Variants in CHD2 observed in about 807,000 individuals in gnomAD.
CHD2 encodes the protein chromodomain helicase DNA binding protein 2, also known as ATP-dependent chromatin remodeler CHD2.
In CHD2, 28 loss-of-function variants were observed where a neutral mutation model predicts 243.9. That is an observed-to-expected ratio of 0.11 (90% CI 0.09 to 0.16). The LOEUF (loss-of-function observed/expected upper bound fraction) is 0.16, where lower values mean the gene tolerates loss of function less well. Ranked by LOEUF, CHD2 falls within the 10% of genes least tolerant of loss-of-function variation. The pLI is 1.00. For missense variants in CHD2, 1,386 were observed against 2,209.8 expected, an observed-to-expected ratio of 0.63 and a Z score of 7.47; for synonymous variants, 775 against 779.0, an observed-to-expected ratio of 0.99 and a Z score of 0.09.
chr15:92,957,262 C>T (rs971562584), intron 16 of CHD2, among the ~76,000 whole-genome samples: 4 of 152,208 alleles, frequency 2.6e-5, no homozygotes, highest in Admixed American at 2.0e-4. Context: ...TATGCTTCAG[C>T]CATTCTGGCT....
intron 37 of CHD2, among the ~76,000 whole-genome samples, chr15:93,016,517 A>G (rs2054462331): frequency 6.6e-6 from 1 of 152,238 alleles, no homozygotes; most frequent in African/African-American, 2.4e-5. Flanking sequence ...GCCATTCCAT[A>G]ATGTATATGT....
At chr15:93,001,000 C>T (rs1312511805) in intron 32 of CHD2, among the ~76,000 whole-genome samples, 1 of 152,184 alleles carries the variant, frequency 6.6e-6, no homozygotes, top group African/African-American at 2.4e-5. Context: ...TCCCAAGTAG[C>T]TGGGATTACA....
intron 17 of CHD2, among the ~76,000 whole-genome samples, chr15:92,968,871 G>A (rs1425047029): frequency 1.3e-5 from 2 of 152,140 alleles, no homozygotes; most frequent in African/African-American, 4.8e-5. Context: ...CATTCAAGTT[G>A]GTTGTTGTAG....
chr15:92,953,817 T>C, intron 14 of CHD2: 2 of 460,970 alleles, frequency 4.3e-6, no homozygotes, highest in South Asian at 5.8e-5. Context: ...TGGGTTGCAA[T>C]ATTAAATTTT....
chr15:92,989,895 T>C (rs140256757), intron 26 of CHD2, among the ~76,000 whole-genome samples: 15 of 152,186 alleles, frequency 9.9e-5, no homozygotes, highest in African/African-American at 3.1e-4. Flanking sequence ...CCCTTTGAGA[T>C]CTTTCCTCTG....
rs542488958 is a variant in CHD2, at chr15:92,904,465, C to T, written c.62+3166C>T. ...GCGCATGTCGGGCGCTTTCTCCTCC[C>T]CCTACCCAGGGAGCCGCACGCCGAG... On this transcript the variant is annotated intron_variant, in intron 2 of 38. Transcript: ENST00000394196. 7 of 989,482 alleles carry T rather than the reference C, an allele frequency of 7.1e-6. No homozygotes were observed. The South Asian group carries it at 1.4e-4, about 19-fold the overall frequency. 61.3% of individuals were successfully genotyped at this position (989,482 alleles called of 1,614,324 possible).
At chr15:92,906,848 C>CT (rs888569138) in intron 2 of CHD2, among the ~76,000 whole-genome samples, 84 of 152,164 alleles carry the variant, frequency 5.5e-4, no homozygotes, top group African/African-American at 1.9e-3. Flanking sequence ...CTTGGTTACA[C>CT]TGGGTGTGTC....
chr15:92,990,313 G>A (rs1450327394), intron 26 of CHD2, among the ~76,000 whole-genome samples: 1 of 152,184 alleles, frequency 6.6e-6, no homozygotes, highest in African/African-American at 2.4e-5. Context: ...TGGGGTTAAG[G>A]GGTGGGAATA....
At position 92,967,325 on chromosome 15, in the gene CHD2, G is replaced by A. The variant is rs2053779282; in HGVS notation, c.2001G>A (p.Lys667=). The change falls in exon 17 of 39, where the codon AAG becomes AAA. Residue 667 remains lysine, a splice_region_variant and synonymous_variant. Transcript: ENST00000394196. ...TAACACTATACTGTTTCTTCCCTAG[G>A]TTTGAATTTTGGGAAGATTTTGAAG... is the stretch of plus-strand genomic sequence containing the variant. ...WSLLHFIMPE[K]FEFWEDFEED... is the part of the protein sequence containing the mutation. The A allele has an allele frequency of 4.4e-6, 7 of 1,603,382 alleles. No homozygotes were observed. The highest frequency in any genetic ancestry group is 6.0e-6 in the Non-Finnish European group (7 of 1,173,614).
intron 12 of CHD2, among the ~76,000 whole-genome samples, chr15:92,948,466 A>G (rs1028144415): frequency 8.5e-5 from 13 of 152,198 alleles, no homozygotes; most frequent in African/African-American, 2.9e-4. Flanking sequence ...TTGAGGATGA[A>G]CTAACTCTGG....
At chr15:92,991,583 T>C (rs568724039) in intron 27 of CHD2, 66 bp downstream of exon 27, 63 of 1,197,620 alleles carry the variant, frequency 5.3e-5, no homozygotes, top group East Asian at 1.7e-4. Flanking sequence ...ACGTTCTTTT[T>C]TGGTAAATTT....
Position 92,997,339 on chromosome 15 carries a change from A to G in CHD2, c.3821A>G (p.Tyr1274Cys). 6.2e-7 allele frequency: 1 copy of G among 1,613,446 alleles called. No homozygotes were observed. Among genetic ancestry groups the G allele is most frequent in the Non-Finnish European group, 8.5e-7 (1 of 1,179,814 alleles). ...GATTCTCGCCTGTTGCTGGGGATTTATGAACATGGCTATGGAAACTGGGAG... is the reference window on the plus strand; with the variant it reads ...GATTCTCGCCTGTTGCTGGGGATTTGTGAACATGGCTATGGAAACTGGGAG... Reference protein sequence around the residue: ...EDDSRLLLGIYEHGYGNWELI... With the variant: ...EDDSRLLLGICEHGYGNWELI... The change falls in exon 30 of 39, where the codon TAT (tyrosine) becomes TGT (cysteine). Residue 1274 changes from tyrosine to cysteine, a missense_variant. Around this residue, in one of 19 missense-constraint regions of CHD2, gnomAD observed 99 missense variants for 176.9 expected, o/e 0.56. Transcript: ENST00000394196. This position sits in a 1 kb window ranked among gnomAD's most constrained non-coding sequence, Gnocchi z 4.1.
chr15:93,007,077 G>A lies in CHD2; in HGVS notation c.4414-2068G>A, dbSNP rs570797201. On this transcript the variant is annotated intron_variant, in intron 34 of 38. Transcript: ENST00000394196. ...TGTATGGCTTGAGCAAAAATGGTGG[G>A]TCATTCATTAGGTGTACACATCTGC... Among the ~76,000 whole-genome samples the A allele has an allele frequency of 7.2e-5, 11 of 152,318 alleles. No homozygotes were observed. The South Asian group carries it at 1.7e-3, about 23-fold the overall frequency.
At position 93,012,331 on chromosome 15, in the gene CHD2, A is replaced by G. The variant is rs559913219; in HGVS notation, c.4593-14A>G. 6.4e-6 allele frequency: 10 copies of G among 1,572,842 alleles called. No individual in the cohort carries two copies. In the African/African-American group the frequency reaches 9.6e-5, roughly 15 times the overall value. ...ATTCTATAATTCACCAGAACTGTTC[A>G]TTTTTCTTTTTAGGAACCTATGGAT... On this transcript the variant is annotated splice_polypyrimidine_tract_variant and intron_variant, in intron 35 of 38. Transcript: ENST00000394196.
intron 19 of CHD2, chr15:92,974,052 C>G (rs966633265): frequency 1.1e-4 from 17 of 152,120 alleles, no homozygotes; most frequent in Non-Finnish European, 2.1e-4. Context: ...GTTAGTTTTG[C>G]CTTCTGTAAA....
intron 5 of CHD2, among the ~76,000 whole-genome samples, chr15:92,934,625 G>A (rs1169285825): frequency 6.6e-6 from 1 of 152,184 alleles, no homozygotes; most frequent in African/African-American, 2.4e-5. Context: ...TCACATGTGG[G>A]AGAGCCTTAT....
chr15:93,006,437 CTT>C (rs1264784524), intron 34 of CHD2, among the ~76,000 whole-genome samples: 3 of 152,124 alleles, frequency 2.0e-5, no homozygotes, highest in South Asian at 2.1e-4. Context: ...TTCTCTCTCT[CTT>C]ACCTCCCAGA....
chr15:92,967,543 G>C (rs752343263), intron 17 of CHD2, 30 bp downstream of exon 17: 1 of 1,587,758 alleles, frequency 6.3e-7, no homozygotes, highest in Non-Finnish European at 8.6e-7. Context: ...AGGCCTGAAG[G>C]GGTTGAGATC....
At chr15:92,965,172 C>T (rs1476591269) in intron 16 of CHD2, 1 of 152,122 alleles carries the variant, frequency 6.6e-6, no homozygotes, top group South Asian at 2.1e-4. Flanking sequence ...AACATGGTGT[C>T]TTTATACATC....
Sources: allele counts gnomAD v4.1 joint callset (sites outside exome capture counted in the v4.1 genomes callset), GRCh38; gene constraint gnomAD v4.1.1; regional missense constraint gnomAD v4.1.1; non-coding constraint Gnocchi (gnomAD v3.1); transcripts MANE v1.5; gene names NCBI Gene and HGNC (gene_info 2026-07-23, HGNC 2026-07-21).